BASP1: variants seen among roughly 807,000 people sequenced by gnomAD.
BASP1 encodes brain abundant membrane attached signal protein 1, also known as brain acid soluble protein 1.
A neutral mutation model predicts 2.2 loss-of-function variants in BASP1; 1 was observed. The ratio of observed to expected loss-of-function variants is 0.46; its 90% CI spans 0.16 to 2.17. BASP1 has a LOEUF of 2.17. Among genes scored for constraint, BASP1 ranks in the 30% most tolerant of loss-of-function variants. The pLI is 0.27. For missense variants in BASP1, 352 were observed against 327.2 expected (o/e 1.08, Z -0.58); for synonymous variants, 187 against 154.2 (o/e 1.21, Z -1.58).
chr5:17,221,688 A>G (rs1220761907), intron 1 of BASP1, among the ~76,000 whole-genome samples: 1 of 152,080 alleles, frequency 6.6e-6, no homozygotes, highest in Non-Finnish European at 1.5e-5. Context: ...CTTTAAATTT[A>G]TTGTATCTCT....
intron 1 of BASP1, among the ~76,000 whole-genome samples, chr5:17,274,395 A>T (rs1379277855): frequency 1.3e-5 from 2 of 152,184 alleles, no homozygotes; most frequent in Non-Finnish European, 2.9e-5. Flanking sequence ...CTGATATAAC[A>T]CACACACATA....
chr5:17,268,414 C>T (rs1267241750), intron 1 of BASP1, among the ~76,000 whole-genome samples: 2 of 152,018 alleles, frequency 1.3e-5, no homozygotes, highest in African/African-American at 2.4e-5. Context: ...AATGTAAGTG[C>T]GTATTAGGAA....
At chr5:17,271,064 G>A (rs1226227895) in intron 1 of BASP1, among the ~76,000 whole-genome samples, 1 of 152,088 alleles carries the variant, frequency 6.6e-6, no homozygotes, top group African/African-American at 2.4e-5. Flanking sequence ...AATATTAATC[G>A]GTAAGCCTGT....
intron 1 of BASP1, among the ~76,000 whole-genome samples, chr5:17,232,862 C>T (rs758790854): frequency 3.3e-5 from 5 of 152,044 alleles, no homozygotes; most frequent in Non-Finnish European, 4.4e-5. Flanking sequence ...AGACAGCCAT[C>T]GGACTTAGTT....
At chr5:17,245,973 GAAA>G (rs202080092) in intron 1 of BASP1, among the ~76,000 whole-genome samples, 1 of 149,938 alleles carries the variant, frequency 6.7e-6, no homozygotes, top group Non-Finnish European at 1.5e-5. Flanking sequence ...CGTGGATAGA[GAAA>G]AAAAAATCAA....
At chr5:17,266,362 T>C (rs1263984505) in intron 1 of BASP1, among the ~76,000 whole-genome samples, 1 of 152,146 alleles carries the variant, frequency 6.6e-6, no homozygotes, top group Non-Finnish European at 1.5e-5. Flanking sequence ...CTTCGCCACC[T>C]CTCCCTCCCT....
chr5:17,254,797 G>A (rs764532502), intron 1 of BASP1, among the ~76,000 whole-genome samples: 8 of 152,146 alleles, frequency 5.3e-5, no homozygotes, highest in Admixed American at 6.6e-5. Flanking sequence ...AGAAAAAAGA[G>A]GCAAAGAGGC....
intron 1 of BASP1, among the ~76,000 whole-genome samples, chr5:17,246,069 G>A (rs1739981270): frequency 6.6e-6 from 1 of 152,176 alleles, no homozygotes; most frequent in African/African-American, 2.4e-5. Flanking sequence ...GTTTCTCTGG[G>A]GTATTTGGAG....
chr5:17,253,975 G>A (rs1258876460), intron 1 of BASP1, among the ~76,000 whole-genome samples: 3 of 151,908 alleles, frequency 2.0e-5, no homozygotes, highest in Non-Finnish European at 4.4e-5. Context: ...TTTTGGAAAA[G>A]CATTATAAGT....
intron 1 of BASP1, among the ~76,000 whole-genome samples, chr5:17,249,706 A>AC (rs1740064095): frequency 6.6e-6 from 1 of 151,778 alleles, no homozygotes; most frequent in Admixed American, 6.6e-5. Context: ...TTTAGACTCT[A>AC]TTTTTTTTCT....
Position 17,240,875 on chromosome 5 carries a change from C to G in BASP1, c.-10+23065C>G, listed in dbSNP as rs75098339. 2.5e-3 allele frequency among the ~76,000 whole-genome samples: 383 copies of G among 152,242 alleles called. 7 individuals carry two copies. In the East Asian group the frequency reaches 0.053, roughly 21 times the overall value. On this transcript the variant is annotated intron_variant, in intron 1 of 1. Coordinates refer to ENST00000322611, the MANE Select transcript of BASP1 (RefSeq NM_006317.5). ...ACCTACTAAACAAAAAGATAAAACT[C>G]TTGTGATTTTGATCTTAAGTTGGAA...
At chr5:17,264,083 C>CACATGGGCTGCATTACCTTTATTTCATT (rs1740371220) in intron 1 of BASP1, among the ~76,000 whole-genome samples, 1 of 152,130 alleles carries the variant, frequency 6.6e-6, no homozygotes. Context: ...ACTAAAAATA[C>CACATGGGCTGCATTACCTTTATTTCATT]ACATGGGCTG....
intron 1 of BASP1, among the ~76,000 whole-genome samples, chr5:17,242,486 G>T (rs1739883543): frequency 6.6e-6 from 1 of 151,172 alleles, no homozygotes; most frequent in South Asian, 2.1e-4. Flanking sequence ...AACTTGCATT[G>T]ACACATCATT....
Position 17,236,804 on chromosome 5 carries a change from C to A in BASP1, c.-10+18994C>A, listed in dbSNP as rs1739756443. On this transcript the variant is annotated intron_variant, in intron 1 of 1. Transcript: ENST00000322611. This position sits in a 1 kb window ranked among gnomAD's most constrained non-coding sequence, Gnocchi z 4.0. ...AATGCACTCTTAACTAGACCCATAT[C>A]TTAAGGGAAAAAAATGTTTTTAGTA... 6.6e-6 allele frequency among the ~76,000 whole-genome samples: 1 copy of A among 152,130 alleles called. No homozygotes were observed. The highest frequency in any genetic ancestry group is 6.5e-5 in the Admixed American group (1 of 15,274).
At chr5:17,261,846 A>G (rs770327200) in intron 1 of BASP1, among the ~76,000 whole-genome samples, 1 of 152,092 alleles carries the variant, frequency 6.6e-6, no homozygotes, top group Non-Finnish European at 1.5e-5. Context: ...CGTTACCAAC[A>G]CTCTCTGGTA....
intron 1 of BASP1, among the ~76,000 whole-genome samples, chr5:17,240,173 G>A (rs908782993): frequency 1.4e-5 from 2 of 140,784 alleles, no homozygotes; most frequent in African/African-American, 5.3e-5. Flanking sequence ...TAAATAACAG[G>A]TTGGAGCCCA....
chr5:17,272,701 T>C (rs1446184927), intron 1 of BASP1, among the ~76,000 whole-genome samples: 1 of 152,214 alleles, frequency 6.6e-6, no homozygotes, highest in Non-Finnish European at 1.5e-5. Context: ...GGGGCGTTTG[T>C]TAACTTTGTT....
At chr5:17,217,093 A>AGAGAGAGAGT (rs1561160799), upstream of BASP1, 4 of 139,468 alleles carry the variant, frequency 2.9e-5, no homozygotes, top group African/African-American at 5.7e-5. Flanking sequence ...AGAGAGAGAG[A>AGAGAGAGAGT]GAGTGAGTGA....
chr5:17,223,168 G>C lies in BASP1; in HGVS notation c.-10+5358G>C, dbSNP rs1040346465. 7.9e-5 allele frequency among the ~76,000 whole-genome samples: 12 copies of C among 152,062 alleles called. 1 individual carries two copies. The highest frequency in any genetic ancestry group is 5.9e-4 in the Admixed American group (9 of 15,252). On this transcript the variant is annotated intron_variant, in intron 1 of 1. Transcript: ENST00000322611. ...TAGAAAGCATGATTTGGAGGGTTAG[G>C]CATGGTGGGGATGGACTTTGGAGCC...
Sources: gnomAD v4.1 joint callset for allele counts (sites outside exome capture counted in the v4.1 genomes callset) on GRCh38, gnomAD v4.1.1 for gene constraint, Gnocchi (gnomAD v3.1) non-coding constraint, MANE v1.5 for transcripts, NCBI Gene and HGNC (gene_info 2026-07-23, HGNC 2026-07-21) for gene names.